Variants in KAZN observed in about 807,000 individuals in gnomAD.
The protein encoded by KAZN is kazrin.
In KAZN, 40 loss-of-function variants were observed where a neutral mutation model predicts 87.4. That is an observed-to-expected ratio of 0.46 (90% confidence interval 0.36 to 0.60). KAZN has a LOEUF of 0.60. Among genes scored for constraint, KAZN ranks in the 20% least tolerant of loss-of-function variants. The pLI is 0.00. For synonymous variants in KAZN, 466 were observed against 458.3 expected (o/e 1.02, Z -0.22); for missense variants, 898 against 1,073.9 (o/e 0.84, Z 2.29).
intron 2 of KAZN, among the ~76,000 whole-genome samples, chr1:14,368,893 C>T (rs753667222): frequency 3.9e-5 from 6 of 152,060 alleles, no homozygotes; most frequent in Admixed American, 2.0e-4. Flanking sequence ...TAACGGTGCC[C>T]GTGTTAGGTA....
In KAZN at chr1:14,950,998, T is replaced by G. The variant is rs77985803; in HGVS notation, c.227-9686T>G. Among the ~76,000 whole-genome samples, 120 of 152,318 alleles carry G rather than the reference T, an allele frequency of 7.9e-4. 1 individual carries two copies. Among genetic ancestry groups the G allele is most frequent in the East Asian group, 4.8e-3 (25 of 5,192 alleles). On this transcript the variant is annotated intron_variant, in intron 1 of 14. Coordinates refer to ENST00000376030, the MANE Select transcript of KAZN (RefSeq NM_201628.3). ...CCTATGTTTAACTGCATGTTCTCTC[T>G]GTGGCTCAGTTTCTTTTGTAAAATG... is the stretch of plus-strand genomic sequence containing the variant.
At chr1:15,018,363 A>G (rs114521185) in intron 2 of KAZN, among the ~76,000 whole-genome samples, 38 of 152,128 alleles carry the variant, frequency 2.5e-4, no homozygotes, top group Non-Finnish European at 4.7e-4. Context: ...CACCCCTCCA[A>G]TTAACGGGAT....
At chr1:14,862,089 G>C (rs1247979804) in intron 1 of KAZN, among the ~76,000 whole-genome samples, 2 of 152,204 alleles carry the variant, frequency 1.3e-5, no homozygotes, top group African/African-American at 4.8e-5. Flanking sequence ...AGCGCCTATG[G>C]TGTGTGATGG....
At chr1:14,104,755 C>T (rs922021315) in intron 1 of KAZN, among the ~76,000 whole-genome samples, 6 of 152,142 alleles carry the variant, frequency 3.9e-5, no homozygotes, top group Non-Finnish European at 5.9e-5. Context: ...TCAGAGCAGG[C>T]GATTGATTTC....
intron 1 of KAZN, among the ~76,000 whole-genome samples, chr1:13,961,995 G>A (rs926154172): frequency 6.6e-6 from 1 of 152,116 alleles, no homozygotes; most frequent in Non-Finnish European, 1.5e-5. Context: ...TTCTCACCGC[G>A]TGAGCTCCTA....
At chr1:14,503,996 C>T (rs557769469) in intron 2 of KAZN, among the ~76,000 whole-genome samples, 67 of 152,240 alleles carry the variant, frequency 4.4e-4, no homozygotes, top group African/African-American at 1.5e-3. Context: ...TAAGGAAGCC[C>T]TCACTCTCAA....
intron 2 of KAZN, among the ~76,000 whole-genome samples, chr1:14,530,971 G>T (rs530214206): frequency 6.6e-6 from 1 of 152,224 alleles, no homozygotes; most frequent in East Asian, 1.9e-4. Context: ...TACTCAAGAG[G>T]CTGAAGTGGG....
chr1:14,318,230 T>G (rs1171520255), intron 2 of KAZN, among the ~76,000 whole-genome samples: 5 of 152,134 alleles, frequency 3.3e-5, no homozygotes, highest in Non-Finnish European at 7.4e-5. Context: ...CTCACATCTC[T>G]TGTAACACAA....
chr1:14,170,405 C>T (rs987123693), intron 1 of KAZN, among the ~76,000 whole-genome samples: 2 of 152,036 alleles, frequency 1.3e-5, no homozygotes, highest in Non-Finnish European at 2.9e-5. Flanking sequence ...CTGGCTTTGC[C>T]CTGATCCCAC....
chr1:14,418,095 A>G (rs12119451), intron 2 of KAZN, among the ~76,000 whole-genome samples: 19,711 of 145,648 alleles, frequency 0.14, 1,558 homozygotes, highest in South Asian at 0.18. Context: ...CCAGGAGATG[A>G]TCCATACAGA....
At chr1:14,635,698 C>T (rs981125505) in intron 1 of KAZN, among the ~76,000 whole-genome samples, 14 of 152,324 alleles carry the variant, frequency 9.2e-5, no homozygotes, top group Admixed American at 7.8e-4. Context: ...TCAGGTATAG[C>T]GATCTGTGTG....
chr1:13,950,317 C>G (rs181603823), intron 1 of KAZN, among the ~76,000 whole-genome samples: 1 of 152,206 alleles, frequency 6.6e-6, no homozygotes, highest in African/African-American at 2.4e-5. Flanking sequence ...TGGCATCCCA[C>G]ATTGCCCCCA....
chr1:14,164,595 C>G (rs563058160), intron 1 of KAZN, among the ~76,000 whole-genome samples: 27 of 136,016 alleles, frequency 2.0e-4, no homozygotes, highest in Non-Finnish European at 3.9e-4. Context: ...GACTGGAGTG[C>G]AATGGCACGA....
intron 1 of KAZN, among the ~76,000 whole-genome samples, chr1:14,888,136 C>G (rs991299008): frequency 3.0e-4 from 45 of 152,314 alleles, no homozygotes; most frequent in African/African-American, 1.1e-3. Context: ...TGTCATCCTC[C>G]AGCCCGGGCA....
chr1:14,035,755 G>A (rs539841269), intron 1 of KAZN, among the ~76,000 whole-genome samples: 28 of 151,972 alleles, frequency 1.8e-4, no homozygotes, highest in Non-Finnish European at 3.8e-4. Flanking sequence ...GATTACAGGT[G>A]TGAGCCACCA....
chr1:14,809,535 T>C (rs769386404), intron 1 of KAZN, among the ~76,000 whole-genome samples: 18 of 152,226 alleles, frequency 1.2e-4, no homozygotes, highest in South Asian at 6.2e-4. Context: ...AGTGCACTGA[T>C]TGGACTCTGA....
chr1:15,020,847 G>GCTCCCCAT (rs2102157192), intron 2 of KAZN, among the ~76,000 whole-genome samples: 1 of 152,254 alleles, frequency 6.6e-6, no homozygotes, highest in East Asian at 1.9e-4. Flanking sequence ...ACTTGCCCCA[G>GCTCCCCAT]GTCCCCCCAC....
chr1:15,103,445 A>G lies in KAZN; in HGVS notation c.1866A>G (p.Arg622=), dbSNP rs1400728259. The change falls in exon 12 of 15, where the codon CGA becomes CGG. Residue 622 remains arginine (R), a synonymous_variant. Transcript: ENST00000376030. ...ACCAGCGGGTGCTCAAGTGGGTTCG[A>G]GACATCGACCTGAAGGTGAGGGTGA... ...WTNQRVLKWV[R]DIDLKEYADN... The G allele has an allele frequency of 2.0e-5, 31 of 1,549,582 alleles. No homozygotes were observed. Among genetic ancestry groups the G allele is most frequent in the Non-Finnish European group, 2.7e-5 (31 of 1,147,104 alleles).
At chr1:14,274,741 CT>C (rs1171918733) in intron 2 of KAZN, among the ~76,000 whole-genome samples, 1 of 152,140 alleles carries the variant, frequency 6.6e-6, no homozygotes, top group Non-Finnish European at 1.5e-5. Flanking sequence ...TCGTTTTGTT[CT>C]TCAATTTCCT....
Sources: allele counts gnomAD v4.1 joint callset (sites outside exome capture counted in the v4.1 genomes callset), GRCh38; gene constraint gnomAD v4.1.1; transcripts MANE v1.5; gene names NCBI Gene and HGNC (gene_info 2026-07-23, HGNC 2026-07-21).